Variants in CNTN5 observed in about 807,000 individuals in gnomAD.
The protein encoded by CNTN5 is contactin-5.
In CNTN5, 77 loss-of-function variants were observed where a neutral mutation model predicts 129.1. That is an observed-to-expected ratio of 0.60 (90% CI 0.50 to 0.72). The LOEUF is 0.72. Among genes scored for constraint, CNTN5 ranks in the 30% least tolerant of loss-of-function variants. CNTN5 has a pLI of 0.00. For missense variants in CNTN5, 1,478 were observed against 1,328.8 expected, an observed-to-expected ratio of 1.11 and a Z score of -1.75; for synonymous variants, 509 against 465.6, an observed-to-expected ratio of 1.09 and a Z score of -1.20.
At position 99,916,086 on chromosome 11, in the gene CNTN5, G is replaced by A. The variant is rs898456928; in HGVS notation, c.610G>A (p.Ala204Thr). 6.2e-7 allele frequency: 1 copy of A among 1,612,378 alleles called. No homozygotes were observed. The highest frequency in any genetic ancestry group is 2.2e-5 in the East Asian group (1 of 44,758). ...AAATTTTAGTGGCCGGACAAGAAGTGCAGTCTCTGTGAGGGAAGGCCAGGG... is the reference window on the plus strand; with the variant it reads ...AAATTTTAGTGGCCGGACAAGAAGTACAGTCTCTGTGAGGGAAGGCCAGGG... ...LGNFSGRTRSAVSVREGQGVV... is the reference protein window; with the variant it reads ...LGNFSGRTRSTVSVREGQGVV... Residue 204 changes from alanine (A) to threonine (T), a missense_variant, in exon 7 of 25, where the codon GCA (alanine) becomes ACA (threonine). By Grantham distance (58) the Ala-to-Thr change is moderately conservative. Transcript: ENST00000524871.
chr11:99,298,589 T>C (rs1864487945), intron 1 of CNTN5, among the ~76,000 whole-genome samples: 1 of 152,150 alleles, frequency 6.6e-6, no homozygotes, highest in Non-Finnish European at 1.5e-5. Flanking sequence ...TTTAGTTTGT[T>C]TTAACAGATG....
chr11:99,255,520 TCA>T (rs1413738949), intron 1 of CNTN5, among the ~76,000 whole-genome samples: 8 of 151,288 alleles, frequency 5.3e-5, no homozygotes, highest in Non-Finnish European at 8.8e-5. Flanking sequence ...TACTTTAGAG[TCA>T]CATATATGAG....
intron 9 of CNTN5, among the ~76,000 whole-genome samples, chr11:100,056,383 T>A (rs1203639318): frequency 6.6e-6 from 1 of 151,412 alleles, no homozygotes; most frequent in Non-Finnish European, 1.5e-5. Flanking sequence ...AATCTAACCA[T>A]TTGCCATTTA....
In CNTN5 at chr11:99,615,417, AT is replaced by A. The variant is rs1024280440; in HGVS notation, c.55+59150del. On this transcript the variant is annotated intron_variant, in intron 3 of 24. Coordinates refer to ENST00000524871, the MANE Select transcript of CNTN5 (RefSeq NM_014361.4). ...ACCCAACTTTTTAAGAAGAATTTTT[AT>A]TGAAAATTTACTCAATTATTACTGA... Among the ~76,000 whole-genome samples the A allele has an allele frequency of 7.1e-4, 108 of 152,286 alleles. 1 individual carries two copies. Among genetic ancestry groups the A allele is most frequent in the African/African-American group, 2.5e-3 (105 of 41,584 alleles).
intron 3 of CNTN5, among the ~76,000 whole-genome samples, chr11:99,767,341 C>A (rs1171318231): frequency 4.6e-5 from 7 of 151,952 alleles, no homozygotes; most frequent in African/African-American, 1.7e-4. Flanking sequence ...ATAGAGGAAG[C>A]ATTTTCTTTA....
chr11:99,492,570 T>C (rs1365174320), intron 2 of CNTN5, among the ~76,000 whole-genome samples: 1 of 152,186 alleles, frequency 6.6e-6, no homozygotes, highest in Non-Finnish European at 1.5e-5. Flanking sequence ...ATTATTACTA[T>C]TAATTTTAAA....
chr11:99,882,818 C>G (rs1042213261), intron 6 of CNTN5, among the ~76,000 whole-genome samples: 2 of 152,094 alleles, frequency 1.3e-5, no homozygotes, highest in African/African-American at 4.8e-5. Flanking sequence ...TTCTTTCTGA[C>G]TACTTTTTTT....
chr11:99,492,699 T>A (rs1003447548), intron 2 of CNTN5, among the ~76,000 whole-genome samples: 2 of 152,092 alleles, frequency 1.3e-5, no homozygotes, highest in Admixed American at 1.3e-4. Flanking sequence ...ACATAACAAA[T>A]TCATTCAATG....
At chr11:100,150,094 A>C (rs1947006236) in intron 13 of CNTN5, among the ~76,000 whole-genome samples, 1 of 152,184 alleles carries the variant, frequency 6.6e-6, no homozygotes, top group Non-Finnish European at 1.5e-5. Flanking sequence ...TATGCATTTC[A>C]ATAGTAACTG....
At chr11:100,316,195 T>C (rs1345960283) in intron 21 of CNTN5, among the ~76,000 whole-genome samples, 1 of 152,162 alleles carries the variant, frequency 6.6e-6, no homozygotes, top group Non-Finnish European at 1.5e-5. Context: ...AGGCCAAATT[T>C]CATAATCATT....
intron 9 of CNTN5, among the ~76,000 whole-genome samples, chr11:100,040,242 C>T (rs1040254005): frequency 6.6e-6 from 1 of 152,090 alleles, no homozygotes; most frequent in African/African-American, 2.4e-5. Flanking sequence ...CACTCCAGAC[C>T]CTGTTTGCCT....
intron 3 of CNTN5, among the ~76,000 whole-genome samples, chr11:99,801,717 A>C (rs1946119413): frequency 6.6e-6 from 1 of 152,176 alleles, no homozygotes; most frequent in South Asian, 2.1e-4. Context: ...GGTGCAGTCT[A>C]TTGATAAATA....
rs1320464966 is a variant in CNTN5, at chr11:99,069,989, T to C, written c.-210+48719T>C. 2.0e-5 allele frequency among the ~76,000 whole-genome samples: 3 copies of C among 152,146 alleles called. No homozygotes were observed. In the East Asian group the frequency reaches 5.8e-4, roughly 29 times the overall value. On this transcript the variant is annotated intron_variant, in intron 1 of 24. Transcript: ENST00000524871. ...GGGACAGAGCTCCCTCTTCCGATAA[T>C]GAGGTCTGCGTTGCCAGCCAGCCAC...
chr11:99,383,431 A>T (rs780038970), intron 2 of CNTN5, among the ~76,000 whole-genome samples: 3 of 152,240 alleles, frequency 2.0e-5, no homozygotes, highest in Non-Finnish European at 4.4e-5. Flanking sequence ...ATATTGAGAC[A>T]TAGACTGTCC....
chr11:99,876,942 C>T (rs913757443), intron 6 of CNTN5, among the ~76,000 whole-genome samples: 2 of 151,922 alleles, frequency 1.3e-5, no homozygotes, highest in Non-Finnish European at 1.5e-5. Context: ...GCCTCAGTTT[C>T]TTTTATTCTT....
chr11:99,894,301 C>T (rs1949140693), intron 6 of CNTN5, among the ~76,000 whole-genome samples: 1 of 151,854 alleles, frequency 6.6e-6, no homozygotes, highest in Admixed American at 6.6e-5. Context: ...AAGTTCAATA[C>T]TATTAATCTC....
chr11:99,206,225 T>A (rs1386110277), intron 1 of CNTN5, among the ~76,000 whole-genome samples: 1 of 152,120 alleles, frequency 6.6e-6, no homozygotes, highest in Non-Finnish European at 1.5e-5. Flanking sequence ...TCTTTCTTAG[T>A]GGAAAGTGTG....
intron 15 of CNTN5, among the ~76,000 whole-genome samples, chr11:100,212,186 T>C (rs1057434596): frequency 2.0e-5 from 3 of 152,156 alleles, no homozygotes; most frequent in Non-Finnish European, 4.4e-5. Context: ...TTTCTGAATC[T>C]CATAATTATC....
intron 1 of CNTN5, among the ~76,000 whole-genome samples, chr11:99,261,077 T>C (rs1376624450): frequency 6.6e-6 from 1 of 151,898 alleles, no homozygotes; most frequent in African/African-American, 2.4e-5. Context: ...TACCATGCCA[T>C]TATATTCAAC....
Sources: gnomAD v4.1 joint callset for allele counts (sites outside exome capture counted in the v4.1 genomes callset) on GRCh38, gnomAD v4.1.1 for gene constraint, MANE v1.5 for transcripts, NCBI Gene and HGNC (gene_info 2026-07-23, HGNC 2026-07-21) for gene names.